COBL: variants seen among roughly 807,000 people sequenced by gnomAD.
COBL encodes protein cordon-bleu.
Under a neutral mutation model 98.8 loss-of-function variants are expected in COBL, and 51 were observed. That is an observed-to-expected ratio of 0.52 (90% CI 0.41 to 0.65). The LOEUF is 0.65. Among genes scored for constraint, COBL ranks in the 30% least tolerant of loss-of-function variants. The pLI is 0.00. For synonymous variants in COBL, 634 were observed against 651.7 expected, an observed-to-expected ratio of 0.97 and a Z score of 0.41; for missense variants, 1,617 against 1,617.5, an observed-to-expected ratio of 1.00 and a Z score of 0.01.
rs191598961 is a variant in COBL, at chr7:51,161,458, A to C, written c.783+22644T>G. Among the ~76,000 whole-genome samples the C allele has an allele frequency of 1.4e-4, 22 of 152,350 alleles. 1 individual carries two copies. Among genetic ancestry groups the C allele is most frequent in the Middle Eastern group, 3.4e-3 (1 of 294 alleles). On this transcript the variant is annotated intron_variant, in intron 5 of 12. Coordinates refer to ENST00000265136, the MANE Select transcript of COBL (RefSeq NM_015198.5). The stretch of plus-strand genomic sequence containing the variant: ...CAATACTGCAGAGGCTTCCATCAGA[A>C]ACAACGCCACTCAACACGAATTCTG...
At chr7:51,087,185 C>A (rs1036989109) in intron 6 of COBL, among the ~76,000 whole-genome samples, 1 of 151,646 alleles carries the variant, frequency 6.6e-6, no homozygotes, top group Non-Finnish European at 1.5e-5. Context: ...CTTTTCCTCT[C>A]CATTTTCCAA....
At chr7:51,236,935 G>A (rs1219124972) in intron 1 of COBL, among the ~76,000 whole-genome samples, 1 of 152,216 alleles carries the variant, frequency 6.6e-6, no homozygotes, top group African/African-American at 2.4e-5. Flanking sequence ...CTTCACAGCT[G>A]AGCTTGACAG....
At chr7:51,055,239 G>A (rs1172341311) in intron 7 of COBL, among the ~76,000 whole-genome samples, 3 of 152,154 alleles carry the variant, frequency 2.0e-5, no homozygotes, top group East Asian at 3.9e-4. Flanking sequence ...TCCTGGACTC[G>A]CAAAGCCCAC....
chr7:51,028,156 C>T lies in COBL; in HGVS notation c.2940G>A (p.Gln980=). ...CAGAAACACGATCCCTCTGGGAAGACTGAACCAGTGAGAAACAGGAGCTTC... is the reference window on the plus strand; with the variant it reads ...CAGAAACACGATCCCTCTGGGAAGATTGAACCAGTGAGAAACAGGAGCTTC... ...IHRSSCFSLV[Q]SSQRDRVSVG... Residue 980 remains glutamine (Q), a synonymous_variant, in exon 10 of 13, where the codon CAG becomes CAA. Transcript: ENST00000265136. 6.2e-7 allele frequency: 1 copy of T among 1,614,278 alleles called. No individual in the cohort carries two copies. The highest frequency in any genetic ancestry group is 8.5e-7 in the Non-Finnish European group (1 of 1,180,048).
intron 7 of COBL, among the ~76,000 whole-genome samples, chr7:51,051,251 C>A (rs951993482): frequency 6.6e-6 from 1 of 152,310 alleles, no homozygotes; most frequent in South Asian, 2.1e-4. Flanking sequence ...CATATGTTCA[C>A]ATGATTTGTT....
intron 1 of COBL, among the ~76,000 whole-genome samples, chr7:51,277,767 G>A (rs1316805155): frequency 1.3e-5 from 2 of 152,162 alleles, no homozygotes; most frequent in Non-Finnish European, 2.9e-5. Flanking sequence ...ATCCAGCACG[G>A]CAGGGCATTG....
chr7:51,060,674 A>G (rs960296059), intron 7 of COBL, among the ~76,000 whole-genome samples: 1 of 152,024 alleles, frequency 6.6e-6, no homozygotes, highest in African/African-American at 2.4e-5. Context: ...ATCCCTAGTG[A>G]CCCACTAGCA....
chr7:51,154,238 G>A (rs1785866903), intron 5 of COBL, among the ~76,000 whole-genome samples: 1 of 152,192 alleles, frequency 6.6e-6, no homozygotes, highest in African/African-American at 2.4e-5. Context: ...GAAGCCAGAG[G>A]AAAAACCATG....
In COBL at chr7:51,316,759, G is replaced by T; in HGVS notation, c.-126C>A. The stretch of plus-strand genomic sequence containing the variant: ...ACCCATCGTCCTCCCACGCGGGCCG[G>T]CGGAGGACAGCGGCGGAGCGCGGCG... On this transcript the variant is annotated 5_prime_UTR_variant, in exon 1 of 13. Transcript: ENST00000265136. 2 of 725,578 alleles carry T rather than the reference G, an allele frequency of 2.8e-6. No individual in the cohort carries two copies. The highest frequency in any genetic ancestry group is 4.7e-4 in the Middle Eastern group (1 of 2,130). The allele number at this position is 725,578 out of a possible 1,614,324, so 44.9% of individuals were successfully genotyped here. A position where few individuals can be genotyped will look rare whatever the true frequency, so the allele number is the denominator to read the frequency against.
chr7:51,272,029 T>TATAA (rs773626560), intron 1 of COBL, among the ~76,000 whole-genome samples: 1 of 152,146 alleles, frequency 6.6e-6, no homozygotes, highest in African/African-American at 2.4e-5. Flanking sequence ...ACTGTCTCAA[T>TATAA]ATAAATAAAT....
At chr7:51,070,472 T>C (rs1792427677) in intron 7 of COBL, among the ~76,000 whole-genome samples, 1 of 149,626 alleles carries the variant, frequency 6.7e-6, no homozygotes, top group South Asian at 2.1e-4. Context: ...TGTGGATTAA[T>C]TTCTGGGTCT....
intron 1 of COBL, among the ~76,000 whole-genome samples, chr7:51,306,823 C>T (rs1196230325): frequency 6.6e-6 from 1 of 152,214 alleles, no homozygotes; most frequent in Non-Finnish European, 1.5e-5. Context: ...AGAATGTCTG[C>T]AGGCACACTG....
At chr7:51,038,895 G>A (rs1052468048) in intron 8 of COBL, among the ~76,000 whole-genome samples, 4 of 152,244 alleles carry the variant, frequency 2.6e-5, no homozygotes, top group African/African-American at 9.6e-5. Flanking sequence ...GAGGGCTCAT[G>A]TCACAGCTAG....
chr7:51,278,310 C>T (rs539527500), intron 1 of COBL, among the ~76,000 whole-genome samples: 24 of 151,324 alleles, frequency 1.6e-4, no homozygotes, highest in Non-Finnish European at 3.1e-4. Flanking sequence ...AAGGCACCCT[C>T]ATCTATGATC....
chr7:51,245,381 C>T lies in COBL; in HGVS notation c.42-25437G>A, dbSNP rs542324836. On this transcript the variant is annotated intron_variant, in intron 1 of 12. Transcript: ENST00000265136. ...CTGCTGAAATTAGAAGTATTTTCTG[C>T]AAACCCTAAATTAAGATTCCAATTC... Among the ~76,000 whole-genome samples, 14 of 152,266 alleles carry T rather than the reference C, an allele frequency of 9.2e-5. 1 individual carries two copies. The South Asian group carries it at 2.7e-3, about 29-fold the overall frequency.
intron 5 of COBL, among the ~76,000 whole-genome samples, chr7:51,142,845 T>C (rs956916596): frequency 6.6e-6 from 1 of 152,198 alleles, no homozygotes; most frequent in African/African-American, 2.4e-5. Flanking sequence ...GAAAAGCTTG[T>C]AAATTAAAAG....
At chr7:51,283,702 C>G (rs2129179133) in intron 1 of COBL, among the ~76,000 whole-genome samples, 1 of 152,192 alleles carries the variant, frequency 6.6e-6, no homozygotes, top group South Asian at 2.1e-4. Context: ...TCAGGCTTAT[C>G]TCAAACACCT....
At chr7:51,289,345 C>T (rs1800678870) in intron 1 of COBL, among the ~76,000 whole-genome samples, 1 of 152,230 alleles carries the variant, frequency 6.6e-6, no homozygotes, top group Non-Finnish European at 1.5e-5. Flanking sequence ...GAGCCACAGA[C>T]CTCACTGCCC....
chr7:51,249,634 C>T (rs1471032660), intron 1 of COBL, among the ~76,000 whole-genome samples: 1 of 152,174 alleles, frequency 6.6e-6, no homozygotes, highest in African/African-American at 2.4e-5. Context: ...CTTCCTTTTA[C>T]TTTTGCTCCT....
Sources: gnomAD v4.1 joint callset for allele counts (sites outside exome capture counted in the v4.1 genomes callset) on GRCh38, gnomAD v4.1.1 for gene constraint, MANE v1.5 for transcripts, NCBI Gene and HGNC (gene_info 2026-07-23, HGNC 2026-07-21) for gene names.